Variants in SLC12A9 observed in about 807,000 individuals in gnomAD.
SLC12A9 encodes solute carrier family 12 member 9.
Under a neutral mutation model 66.0 loss-of-function variants are expected in SLC12A9, and 55 were observed. That is an observed-to-expected ratio of 0.83 (90% CI 0.67 to 1.04). SLC12A9 has a LOEUF of 1.04. Ranked by LOEUF, SLC12A9 falls within the 50% of genes least tolerant of loss-of-function variation. SLC12A9 has a pLI of 0.00. For synonymous variants in SLC12A9, 577 were observed against 569.0 expected (o/e 1.01, Z -0.20); for missense variants, 1,061 against 1,241.9 (o/e 0.85, Z 2.19).
In SLC12A9 at chr7:100,857,047, A is replaced by G; in HGVS notation, c.628A>G (p.Ser210Gly). The change falls in exon 5 of 14, where the codon AGT becomes GGT. Residue 210 changes from serine (S) to glycine (G), a missense_variant. By Grantham distance (56) the Ser-to-Gly change is moderately conservative (BLOSUM62 0). Coordinates refer to ENST00000354161, the MANE Select transcript of SLC12A9 (RefSeq NM_020246.4). ...VSGSLASVLI[S>G]FVAVGPRDIR... is the part of the protein sequence containing the mutation. ...TGGCTCCCTGGCCTCTGTGCTCATC[A>G]GTTTTGTGGCTGTGGGGCCGAGGGA... The G allele has an allele frequency of 4.3e-6, 7 of 1,614,120 alleles. No individual in the cohort carries two copies. Among genetic ancestry groups the G allele is most frequent in the Non-Finnish European group, 5.9e-6 (7 of 1,180,026 alleles).
intron 1 of SLC12A9, among the ~76,000 whole-genome samples, chr7:100,834,524 C>T (rs549876507): frequency 2.0e-5 from 3 of 152,028 alleles, no homozygotes; most frequent in African/African-American, 4.8e-5. Flanking sequence ...CCCAGATAGG[C>T]GTGTATGTGT....
chr7:100,863,184 C>T (rs1167139445), intron 13 of SLC12A9, among the ~76,000 whole-genome samples: 1 of 151,626 alleles, frequency 6.6e-6, no homozygotes, highest in Non-Finnish European at 1.5e-5. Flanking sequence ...CCTGTCTTAG[C>T]CTCCCAAATA....
In SLC12A9 at chr7:100,862,725, C is replaced by T. The variant is rs1180757829; in HGVS notation, c.1756C>T (p.Leu586Phe). Residue 586 changes from leucine (L) to phenylalanine (F), a missense_variant, in exon 13 of 14, where the codon CTC becomes TTC. Leu to Phe is a conservative substitution (Grantham distance 22, BLOSUM62 0). Coordinates refer to ENST00000354161, the MANE Select transcript of SLC12A9 (RefSeq NM_020246.4). ...TGTACAGCCGCAGTATGGGGCATGG[C>T]TCAGCCTGGTGGACCGTGCCCAGGT... The part of the protein sequence containing the change: ...DPVQPQYGAW[L>F]SLVDRAQVKA... 1.2e-6 allele frequency: 2 copies of T among 1,614,216 alleles called. No homozygotes were observed.
chr7:100,855,718 G>C lies in SLC12A9; in HGVS notation c.329G>C (p.Arg110Pro), dbSNP rs372090103. ...CTTCCACTTTCAGTCATGATCAGCC[G>C]CACACTGGGGCCCGAGGTCGGGGGC... ...QGGGAYFMIS[R>P]TLGPEVGGSI... Residue 110 changes from arginine to proline, a missense_variant, in exon 4 of 14, where the codon CGC becomes CCC. Transcript: ENST00000354161. 1 of 1,614,012 alleles carries C rather than the reference G, an allele frequency of 6.2e-7. No homozygotes were observed. The highest frequency in any genetic ancestry group is 8.5e-7 in the Non-Finnish European group (1 of 1,179,952).
In SLC12A9 at chr7:100,854,773, G is replaced by C. The variant is rs1164791529; in HGVS notation, c.316+19G>C. 5.0e-6 allele frequency: 8 copies of C among 1,613,422 alleles called. No individual in the cohort carries two copies. The South Asian group carries it at 8.8e-5, about 18-fold the overall frequency. ...GCCTACTGTATCCTCCAACATCGAT[G>C]GACTGGGGTCTGGCCTGTTCTGCCT... On this transcript the variant is annotated intron_variant, in intron 3 of 13. Transcript: ENST00000354161.
intron 13 of SLC12A9, among the ~76,000 whole-genome samples, chr7:100,863,257 G>A (rs983334104): frequency 6.6e-6 from 1 of 152,150 alleles, no homozygotes; most frequent in Admixed American, 6.5e-5. Context: ...TAGAGATGGG[G>A]GTTTCACCAT....
rs750575142 is a variant in SLC12A9 at position 100,866,137 on chromosome 7, C to T, written c.2277C>T (p.Pro759=). 1.4e-5 allele frequency: 23 copies of T among 1,612,796 alleles called. No homozygotes were observed. The highest frequency in any genetic ancestry group is 8.9e-5 in the East Asian group (4 of 44,870). Residue 759 remains proline (P), a synonymous_variant, in exon 14 of 14, where the codon CCC becomes CCT. Coordinates refer to ENST00000354161, the MANE Select transcript of SLC12A9 (RefSeq NM_020246.4). The surrounding 1 kb of genome is among the most constrained non-coding windows in gnomAD (Gnocchi z 7.3). ...LQMATILGMV[P]AWHSARLRIF... ...TGGCAACCATCTTGGGCATGGTGCC[C>T]GCTTGGCATAGCGCCCGGCTCCGGA...
upstream of SLC12A9, among the ~76,000 whole-genome samples, chr7:100,851,052 C>T (rs959568502): frequency 4.0e-5 from 6 of 151,694 alleles, no homozygotes; most frequent in Non-Finnish European, 7.4e-5. Flanking sequence ...AGATGAGGTC[C>T]CACTTTATTG....
In SLC12A9 at chr7:100,854,379, G is replaced by A. The variant is rs1679886371; in HGVS notation, c.181+1G>A. ...AGCATAGTTGTTTTTCTGAGGATTG[G>A]TGAGTGGGTCCTGGGGCGGGTGTGG... On this transcript the variant is annotated splice_donor_variant, in intron 2 of 13. Coordinates refer to ENST00000354161, the MANE Select transcript of SLC12A9 (RefSeq NM_020246.4). LOFTEE classifies it high-confidence loss of function. The A allele has an allele frequency of 2.5e-6, 4 of 1,613,164 alleles. No individual in the cohort carries two copies. The highest frequency in any genetic ancestry group is 1.3e-5 in the African/African-American group (1 of 74,814).
At chr7:100,850,772 T>C (rs977174130), upstream of SLC12A9, among the ~76,000 whole-genome samples, 2 of 150,456 alleles carry the variant, frequency 1.3e-5, no homozygotes, top group Non-Finnish European at 3.0e-5. Flanking sequence ...CAGGCTGGAG[T>C]GTAATGGCGA....
intron 13 of SLC12A9, among the ~76,000 whole-genome samples, chr7:100,864,275 T>G (rs1814941495): frequency 6.6e-6 from 1 of 152,024 alleles, no homozygotes; most frequent in South Asian, 2.1e-4. Context: ...GAGACGGGGT[T>G]TCACCATATT....
rs1813535989 is a variant in SLC12A9 at position 100,831,129 on chromosome 7, T to G, written n.228+4082T>G. The stretch of plus-strand genomic sequence containing the variant: ...TATCACACGGTGCATTGTCGGTACT[T>G]GCGCATAGCATCCACCAACAGCTAC... On this transcript the variant is annotated intron_variant and non_coding_transcript_variant, in intron 1 of 1. Transcript: ENST00000461016. Among the ~76,000 whole-genome samples the G allele has an allele frequency of 2.0e-5, 3 of 152,334 alleles. No homozygotes were observed. In the South Asian group the frequency reaches 6.2e-4, roughly 32 times the overall value.
intron 1 of SLC12A9, among the ~76,000 whole-genome samples, chr7:100,830,663 G>A (rs951871189): frequency 1.3e-5 from 2 of 151,782 alleles, no homozygotes; most frequent in South Asian, 2.1e-4. Flanking sequence ...ACTACGTGCC[G>A]AGTGATCACA....
intron 1 of SLC12A9, among the ~76,000 whole-genome samples, chr7:100,839,791 C>G (rs1363949618): frequency 6.6e-6 from 1 of 152,074 alleles, no homozygotes; most frequent in Non-Finnish European, 1.5e-5. Context: ...GCCTGTAATC[C>G]CAGCACTTTG....
chr7:100,856,282 A>C (rs1814380590), intron 4 of SLC12A9: 1 of 162,014 alleles, frequency 6.2e-6, no homozygotes, highest in South Asian at 1.6e-4. Context: ...ATCTCCGCTC[A>C]CTGCAACCTT....
At position 100,858,854 on chromosome 7, in the gene SLC12A9, C is replaced by T. The variant is rs1378836064; in HGVS notation, c.777C>T (p.Tyr259=). The T allele has an allele frequency of 8.1e-6, 13 of 1,614,092 alleles. No individual in the cohort carries two copies. The highest frequency in any genetic ancestry group is 2.2e-5 in the South Asian group (2 of 91,082). Residue 259 remains tyrosine (Y), a synonymous_variant, in exon 6 of 14, where the codon TAC becomes TAT. Transcript: ENST00000354161. ...TCCTAGCTGGCTATGCTGAGGACTA[C>T]ACCACGGGAGCCGTGATGAATTTTG... is the stretch of plus-strand genomic sequence containing the variant. ...DNLGAGYAED[Y]TTGAVMNFAS... is the part of the protein sequence containing the mutation.
chr7:100,830,668 A>T (rs1813527463), intron 1 of SLC12A9, among the ~76,000 whole-genome samples: 1 of 152,014 alleles, frequency 6.6e-6, no homozygotes, highest in African/African-American at 2.4e-5. Context: ...GTGCCGAGTG[A>T]TCACATTGCT....
chr7:100,831,333 T>A (rs1267292352), intron 1 of SLC12A9, among the ~76,000 whole-genome samples: 2 of 152,076 alleles, frequency 1.3e-5, no homozygotes, highest in African/African-American at 4.8e-5. Flanking sequence ...ATTACAGGCA[T>A]ATGCCACCAC....
At chr7:100,836,453 A>G (rs1294586998) in intron 1 of SLC12A9, among the ~76,000 whole-genome samples, 1 of 151,964 alleles carries the variant, frequency 6.6e-6, no homozygotes, top group Non-Finnish European at 1.5e-5. Flanking sequence ...GGGACCAGAG[A>G]GCTCACCTGA....
Sources: allele counts gnomAD v4.1 joint callset (sites outside exome capture counted in the v4.1 genomes callset), GRCh38; gene constraint gnomAD v4.1.1; non-coding constraint Gnocchi (gnomAD v3.1); transcripts MANE v1.5; gene names NCBI Gene and HGNC (gene_info 2026-07-23, HGNC 2026-07-21).